Variants in SNTG1 observed in about 807,000 individuals in gnomAD.
The protein encoded by SNTG1 is gamma-1-syntrophin.
Under a neutral mutation model 74.7 loss-of-function variants are expected in SNTG1, and 39 were observed. The observed-to-expected ratio is 0.52, with a 90% CI of 0.40 to 0.68. The LOEUF (loss-of-function observed/expected upper bound fraction) is 0.68. Ranked by LOEUF, SNTG1 falls within the 30% of genes least tolerant of loss-of-function variation. The pLI is 0.00. For missense variants in SNTG1, 685 were observed against 609.5 expected (o/e 1.12, Z -1.30); for synonymous variants, 254 against 217.1 (o/e 1.17, Z -1.49).
In SNTG1 at chr8:50,468,298, T is replaced by C. The variant is rs769314958; in HGVS notation, c.363+17569T>C. ...ATCAGTGTTTTTGCCACACATATAA[T>C]AACATGCTGTTGTTAGATTGTCTAA... On this transcript the variant is annotated intron_variant, in intron 8 of 18. Coordinates refer to ENST00000642720, the MANE Select transcript of SNTG1 (RefSeq NM_018967.5). Among the ~76,000 whole-genome samples, 23 of 152,058 alleles carry C rather than the reference T, an allele frequency of 1.5e-4. 1 individual carries two copies. The highest frequency in any genetic ancestry group is 4.4e-5 in the Non-Finnish European group (3 of 67,912).
At chr8:50,543,698 T>A (rs2094365229) in intron 11 of SNTG1, among the ~76,000 whole-genome samples, 1 of 152,162 alleles carries the variant, frequency 6.6e-6, no homozygotes, top group South Asian at 2.1e-4. Flanking sequence ...TTTATTTGGA[T>A]AAATGCTAAA....
intron 1 of SNTG1, among the ~76,000 whole-genome samples, chr8:49,941,563 G>T (rs980940959): frequency 4.1e-5 from 6 of 147,758 alleles, no homozygotes; most frequent in African/African-American, 1.2e-4. Context: ...ATTTGAAATG[G>T]CTCTGAAGCT....
intron 1 of SNTG1, among the ~76,000 whole-genome samples, chr8:50,098,527 A>G (rs1490330765): frequency 6.6e-6 from 1 of 152,128 alleles, no homozygotes; most frequent in African/African-American, 2.4e-5. Flanking sequence ...TTAAACACAA[A>G]TAGTAGGCCA....
chr8:50,400,985 A>G (rs1052654244), intron 3 of SNTG1, among the ~76,000 whole-genome samples: 7 of 152,152 alleles, frequency 4.6e-5, no homozygotes, highest in Admixed American at 4.6e-4. Context: ...ATTAGTGTTT[A>G]AAGTGATGTA....
intron 2 of SNTG1, among the ~76,000 whole-genome samples, chr8:50,319,465 T>C (rs2090444512): frequency 6.6e-6 from 1 of 152,244 alleles, no homozygotes; most frequent in African/African-American, 2.4e-5. Flanking sequence ...AATAGTTTTT[T>C]AGGGAAGTCT....
intron 13 of SNTG1, among the ~76,000 whole-genome samples, chr8:50,601,889 G>T (rs1490764014): frequency 1.3e-5 from 2 of 151,952 alleles, no homozygotes; most frequent in Non-Finnish European, 2.9e-5. Flanking sequence ...GTCTCCTCTT[G>T]TAGTTTTTGT....
chr8:50,173,899 C>T (rs1440918961), intron 2 of SNTG1, among the ~76,000 whole-genome samples: 2 of 152,136 alleles, frequency 1.3e-5, no homozygotes, highest in South Asian at 4.1e-4. Context: ...TATACATGTG[C>T]CATGGTGGTT....
At chr8:50,327,722 T>C (rs534843650) in intron 2 of SNTG1, among the ~76,000 whole-genome samples, 1 of 152,258 alleles carries the variant, frequency 6.6e-6, no homozygotes, top group African/African-American at 2.4e-5. Context: ...TTGCCCTTCT[T>C]CTTTGTTTCA....
At chr8:49,919,892 A>G (rs924696997) in intron 1 of SNTG1, among the ~76,000 whole-genome samples, 1 of 152,074 alleles carries the variant, frequency 6.6e-6, no homozygotes, top group African/African-American at 2.4e-5. Flanking sequence ...AGATTAATCT[A>G]CTTGTGTACA....
intron 2 of SNTG1, among the ~76,000 whole-genome samples, chr8:50,215,746 C>T (rs1045503740): frequency 2.0e-5 from 3 of 151,868 alleles, no homozygotes; most frequent in Admixed American, 6.6e-5. Context: ...GACTAAAATC[C>T]AATCACTTTC....
At chr8:50,781,915 C>G (rs1251729267) in intron 18 of SNTG1, among the ~76,000 whole-genome samples, 2 of 152,104 alleles carry the variant, frequency 1.3e-5, no homozygotes, top group African/African-American at 2.4e-5. Context: ...GACAAAATCT[C>G]TCAGCATTTG....
At chr8:50,777,722 T>C (rs1261347798) in intron 18 of SNTG1, among the ~76,000 whole-genome samples, 31 of 151,982 alleles carry the variant, frequency 2.0e-4, no homozygotes, top group Admixed American at 2.0e-3. Flanking sequence ...ATTATTATAC[T>C]TTAAGTTGTA....
intron 1 of SNTG1, among the ~76,000 whole-genome samples, chr8:49,980,099 C>T (rs796696974): frequency 6.6e-6 from 1 of 152,160 alleles, no homozygotes. Context: ...CATTGTTGTG[C>T]AACCAATCTC....
At chr8:50,339,859 A>G (rs1400827971) in intron 2 of SNTG1, among the ~76,000 whole-genome samples, 1 of 151,996 alleles carries the variant, frequency 6.6e-6, no homozygotes, top group Non-Finnish European at 1.5e-5. Flanking sequence ...CTCTAAATAT[A>G]TCCATTAAAA....
intron 2 of SNTG1, among the ~76,000 whole-genome samples, chr8:50,204,278 A>G (rs2084107711): frequency 6.6e-6 from 1 of 152,096 alleles, no homozygotes; most frequent in Non-Finnish European, 1.5e-5. Context: ...TCTGTACTAG[A>G]TGTATAGTAC....
At position 50,776,422 on chromosome 8, in the gene SNTG1, TATA is replaced by T. The variant is rs549574359; in HGVS notation, c.1396-16245_1396-16243del. 9.0e-4 allele frequency among the ~76,000 whole-genome samples: 132 copies of T among 147,352 alleles called. 2 individuals carry two copies. The highest frequency in any genetic ancestry group is 2.8e-3 in the Admixed American group (41 of 14,666). On this transcript the variant is annotated intron_variant, in intron 18 of 18. Coordinates refer to ENST00000642720, the MANE Select transcript of SNTG1 (RefSeq NM_018967.5). The stretch of plus-strand genomic sequence containing the variant: ...TTATAATATATAATATATTATAGCT[TATA>T]ATATTTATATGTTATATTTAAGCAT...
chr8:50,215,101 G>A (rs1167762677), intron 2 of SNTG1, among the ~76,000 whole-genome samples: 1 of 152,030 alleles, frequency 6.6e-6, no homozygotes, highest in African/African-American at 2.4e-5. Context: ...GGCCACATGT[G>A]CACCAGTCCC....
intron 2 of SNTG1, among the ~76,000 whole-genome samples, chr8:50,309,995 T>C (rs542214393): frequency 9.8e-5 from 15 of 152,318 alleles, no homozygotes; most frequent in African/African-American, 3.6e-4. Flanking sequence ...TGCGTAAAAA[T>C]AGTCAAACAG....
intron 15 of SNTG1, among the ~76,000 whole-genome samples, chr8:50,698,706 T>C (rs1426767545): frequency 6.6e-6 from 1 of 152,104 alleles, no homozygotes; most frequent in African/African-American, 2.4e-5. Flanking sequence ...GGTGTTCTGT[T>C]GTAGGTTCCA....
Sources: gnomAD v4.1 joint callset for allele counts (sites outside exome capture counted in the v4.1 genomes callset) on GRCh38, gnomAD v4.1.1 for gene constraint, MANE v1.5 for transcripts, NCBI Gene and HGNC (gene_info 2026-07-23, HGNC 2026-07-21) for gene names.